Variants in OR4M1 observed in about 807,000 individuals in gnomAD.
The protein encoded by OR4M1 is olfactory receptor 4M1.
Under a neutral mutation model 9.8 loss-of-function variants are expected in OR4M1, and 7 were observed. That is an observed-to-expected ratio of 0.71 (90% CI 0.41 to 1.34). The LOEUF (loss-of-function observed/expected upper bound fraction) is 1.34. OR4M1 is among the 40% of genes most tolerant of loss of function. The pLI is 0.01. For missense variants in OR4M1, 331 were observed against 380.4 expected, an observed-to-expected ratio of 0.87 and a Z score of 1.08; for synonymous variants, 121 against 139.8, an observed-to-expected ratio of 0.87 and a Z score of 0.95.
Position 19,782,100 on chromosome 14 carries a change from C to T in OR4M1, c.*836C>T, listed in dbSNP as rs1025970147. 4.6e-5 allele frequency: 7 copies of T among 152,396 alleles called. No homozygotes were observed. The highest frequency in any genetic ancestry group is 4.6e-4 in the Admixed American group (7 of 15,306). 9.4% of individuals were successfully genotyped at this position (152,396 alleles called of 1,614,324 possible). On this transcript the variant is annotated 3_prime_UTR_variant, in exon 2 of 2. Transcript: ENST00000641200. ...TAGTTTTTTTCTAAACTATCATCTC[C>T]TTTGCCACTTTTGTATGTTTTCCGT...
chr14:19,780,286 T>A lies in OR4M1; in HGVS notation c.-29-8T>A. 6.4e-7 allele frequency: 1 copy of A among 1,553,504 alleles called. No individual in the cohort carries two copies. Among genetic ancestry groups the A allele is most frequent in the South Asian group, 1.2e-5 (1 of 80,810 alleles). ...GTGGACTAATTATAGTTTCTTTAAT[T>A]TTCATAGTTATATTATGAAAAGAGT... is the stretch of plus-strand genomic sequence containing the variant. On this transcript the variant is annotated splice_polypyrimidine_tract_variant and splice_region_variant and intron_variant, in intron 1 of 1. Transcript: ENST00000641200.
At chr14:19,777,881 A>ATG (rs57894000) in intron 1 of OR4M1, among the ~76,000 whole-genome samples, 70,128 of 147,148 alleles carry the variant, frequency 0.48, 12,796 homozygotes, top group African/African-American at 0.55. Flanking sequence ...GTGTAGTGGT[A>ATG]TGTGTGTGTG....
chr14:19,778,261 C>T (rs1878368530), intron 1 of OR4M1, among the ~76,000 whole-genome samples: 1 of 152,194 alleles, frequency 6.6e-6, no homozygotes, highest in South Asian at 2.1e-4. Context: ...GACATCAACA[C>T]TCATTCACCT....
rs143164519 is a variant in OR4M1 at position 19,780,687 on chromosome 14, G to T, written c.365G>T (p.Arg122Leu). The change falls in exon 2 of 2, where the codon CGC becomes CTC. Residue 122 changes from arginine (R) to leucine (L), a missense_variant. Arg to Leu is a moderately radical substitution (Grantham distance 102). Coordinates refer to ENST00000641200, the MANE Select transcript of OR4M1 (RefSeq NM_001005500.2). ...TTGCTCACAGTGATGGCCTATGACCGCTATGCTGCTATCTGCCGACCCCTC... is the reference window on the plus strand; with the variant it reads ...TTGCTCACAGTGATGGCCTATGACCTCTATGCTGCTATCTGCCGACCCCTC... ...MFLLTVMAYD[R>L]YAAICRPLHY... The T allele has an allele frequency of 1.7e-4, 280 of 1,614,092 alleles. No individual in the cohort carries two copies. The highest frequency in any genetic ancestry group is 2.3e-4 in the Non-Finnish European group (270 of 1,180,022).
At chr14:19,778,617 G>C (rs1878377921) in intron 1 of OR4M1, among the ~76,000 whole-genome samples, 1 of 152,194 alleles carries the variant, frequency 6.6e-6, no homozygotes, top group African/African-American at 2.4e-5. Context: ...CCTCATAGTT[G>C]ACTTATCAGT....
At chr14:19,777,881 A>G (rs1267717307) in intron 1 of OR4M1, among the ~76,000 whole-genome samples, 13 of 150,644 alleles carry the variant, frequency 8.6e-5, no homozygotes, top group Admixed American at 2.7e-4. Flanking sequence ...GTGTAGTGGT[A>G]TGTGTGTGTG....
At position 19,780,946 on chromosome 14, in the gene OR4M1, G is replaced by T. The variant is rs146001200; in HGVS notation, c.624G>T (p.Val208=). 2.5e-6 allele frequency: 4 copies of T among 1,614,058 alleles called. No homozygotes were observed. The South Asian group carries it at 4.4e-5, about 18-fold the overall frequency. ...VMICSSGLIS[V]VCFIALLMSY... ...TCTGTAGTAGTGGTCTGATCTCTGT[G>T]GTGTGTTTCATTGCTCTGTTAATGT... Residue 208 remains valine, a synonymous_variant, in exon 2 of 2, where the codon GTG becomes GTT. Coordinates refer to ENST00000641200, the MANE Select transcript of OR4M1 (RefSeq NM_001005500.2).
chr14:19,782,914 T>C lies in OR4M1; in HGVS notation c.*1650T>C, dbSNP rs1193989508. 1 of 152,234 alleles carries C rather than the reference T, an allele frequency of 6.6e-6. No individual in the cohort carries two copies. The highest frequency in any genetic ancestry group is 2.4e-5 in the African/African-American group (1 of 41,466). The allele number at this position is 152,234 out of a possible 1,614,324, so 9.4% of individuals were successfully genotyped here. ...TATGTTTCTAAATCTTTTATCATCT[T>C]ACTGTCATTTCTCTGTATTTGATCT... On this transcript the variant is annotated 3_prime_UTR_variant, in exon 2 of 2. Coordinates refer to ENST00000641200, the MANE Select transcript of OR4M1 (RefSeq NM_001005500.2).
rs1400807431 is a variant in OR4M1, at chr14:19,783,058, A to T, written c.*1794A>T. 1.3e-5 allele frequency: 2 copies of T among 152,266 alleles called. No homozygotes were observed. The highest frequency in any genetic ancestry group is 4.8e-5 in the African/African-American group (2 of 41,476). 9.4% of individuals were successfully genotyped at this position (152,266 alleles called of 1,614,324 possible). On this transcript the variant is annotated 3_prime_UTR_variant, in exon 2 of 2. Coordinates refer to ENST00000641200, the MANE Select transcript of OR4M1 (RefSeq NM_001005500.2). ...CACCAGCACACTGTACTACAGAAGG[A>T]TATTTACTGAAAATACTGAAGCTAG...
At chr14:19,778,133 T>G (rs1042693656) in intron 1 of OR4M1, among the ~76,000 whole-genome samples, 2 of 152,248 alleles carry the variant, frequency 1.3e-5, no homozygotes, top group Non-Finnish European at 2.9e-5. Flanking sequence ...CATCATTAGT[T>G]TCTAATTTTA....
At chr14:19,779,330 C>T in intron 1 of OR4M1, among the ~76,000 whole-genome samples, 1 of 152,194 alleles carries the variant, frequency 6.6e-6, no homozygotes, top group East Asian at 1.9e-4. Context: ...AAACAACTCT[C>T]TTGTATTTGC....
intron 1 of OR4M1, among the ~76,000 whole-genome samples, chr14:19,777,976 C>T (rs1230472241): frequency 1.3e-5 from 2 of 152,092 alleles, no homozygotes; most frequent in African/African-American, 4.8e-5. Context: ...GATTAAGATG[C>T]TCCAGCAAAA....
At chr14:19,776,132 A>G (rs770979529) in intron 1 of OR4M1, among the ~76,000 whole-genome samples, 44 of 152,204 alleles carry the variant, frequency 2.9e-4, no homozygotes, top group Non-Finnish European at 5.0e-4. Flanking sequence ...TATTTCTAAG[A>G]AGTGTTGTAT....
In OR4M1 at chr14:19,780,568, CATAGACTTCTTTGTGGAGAGGAAG is replaced by C; in HGVS notation, c.250_273del (p.Asp84_Ile91del). ...CTTCCATTACAGCCCCTAAAATGCT[CATAGACTTCTTTGTGGAGAGGAAG>C]ATAATTTCCTTTGGTGGATGCATTG... On this transcript the variant is annotated inframe_deletion, in exon 2 of 2. Transcript: ENST00000641200. The C allele has an allele frequency of 1.2e-6, 2 of 1,614,236 alleles. No homozygotes were observed. The highest frequency in any genetic ancestry group is 1.7e-6 in the Non-Finnish European group (2 of 1,180,032).
chr14:19,781,868 C>A lies in OR4M1; in HGVS notation c.*604C>A, dbSNP rs568022990. 2 of 152,796 alleles carry A rather than the reference C, an allele frequency of 1.3e-5. No individual in the cohort carries two copies. Among genetic ancestry groups the A allele is most frequent in the African/African-American group, 4.8e-5 (2 of 41,570 alleles). 9.5% of individuals were successfully genotyped at this position (152,796 alleles called of 1,614,324 possible). On this transcript the variant is annotated 3_prime_UTR_variant, in exon 2 of 2. Coordinates refer to ENST00000641200, the MANE Select transcript of OR4M1 (RefSeq NM_001005500.2). ...CCATTCAACAGTTGGAGACAGAACT[C>A]AAAATTTTATCACATTATGAAAACA... is the stretch of plus-strand genomic sequence containing the variant.
chr14:19,782,571 T>G lies in OR4M1; in HGVS notation c.*1307T>G, dbSNP rs1010450469. On this transcript the variant is annotated 3_prime_UTR_variant, in exon 2 of 2. Coordinates refer to ENST00000641200, the MANE Select transcript of OR4M1 (RefSeq NM_001005500.2). ...TAGAGTTACTATTTATTTACAGAGATTTATTTATTAATTGAGGAGGTAATT... is the reference window on the plus strand; with the variant it reads ...TAGAGTTACTATTTATTTACAGAGAGTTATTTATTAATTGAGGAGGTAATT... 6.6e-6 allele frequency: 1 copy of G among 152,224 alleles called. No individual in the cohort carries two copies. Among genetic ancestry groups the G allele is most frequent in the Non-Finnish European group, 1.5e-5 (1 of 68,024 alleles). The allele number at this position is 152,224 out of a possible 1,614,324, so 9.4% of individuals were successfully genotyped here.
Position 19,781,224 on chromosome 14 carries a change from G to A in OR4M1, c.902G>A (p.Arg301Lys), listed in dbSNP as rs746244611. ...LRNKEVKAAM[R>K]KVVTKYILCE... Reference sequence around the variant, plus strand: ...AACAAGGAAGTAAAGGCAGCCATGAGGAAGGTGGTCACCAAATATATTTTG... The same window carrying A: ...AACAAGGAAGTAAAGGCAGCCATGAAGAAGGTGGTCACCAAATATATTTTG... Residue 301 changes from arginine to lysine, a missense_variant, in exon 2 of 2, where the codon AGG (arginine) becomes AAG (lysine). By Grantham distance (26) the Arg-to-Lys change is conservative. Around this residue, in one of 2 missense-constraint regions of OR4M1, gnomAD observed 122 missense variants for 180.5 expected, o/e 0.68. Transcript: ENST00000641200. 50 of 1,613,310 alleles carry A rather than the reference G, an allele frequency of 3.1e-5. No homozygotes were observed. The South Asian group carries it at 5.1e-4, about 16-fold the overall frequency.
intron 1 of OR4M1, among the ~76,000 whole-genome samples, chr14:19,777,022 ATATATATATATATATATATATATATATT>A (rs1474808358): frequency 1.1e-4 from 13 of 120,394 alleles, no homozygotes; most frequent in African/African-American, 1.9e-4. Flanking sequence ...ATATATATAT[ATATATATATATATATATATATATATATT>A]GTTTGTTTGT....
intron 1 of OR4M1, among the ~76,000 whole-genome samples, chr14:19,774,780 G>A (rs532608626): frequency 2.2e-4 from 34 of 152,230 alleles, no homozygotes; most frequent in African/African-American, 8.2e-4. Flanking sequence ...TACCTATGAA[G>A]TAGGTACTGT....
Sources: allele counts gnomAD v4.1 joint callset (sites outside exome capture counted in the v4.1 genomes callset), GRCh38; gene constraint gnomAD v4.1.1; regional missense constraint gnomAD v4.1.1; transcripts MANE v1.5; gene names NCBI Gene and HGNC (gene_info 2026-07-23, HGNC 2026-07-21).